Variants in OSBPL1A observed in about 807,000 individuals in gnomAD.
OSBPL1A encodes the protein oxysterol binding protein like 1A.
Under a neutral mutation model 137.1 loss-of-function variants are expected in OSBPL1A, and 80 were observed. That is an observed-to-expected ratio of 0.58 (90% CI 0.49 to 0.70). The LOEUF (loss-of-function observed/expected upper bound fraction) is 0.70. Ranked by LOEUF, OSBPL1A falls within the 30% of genes least tolerant of loss-of-function variation. The pLI is 0.00. For missense variants in OSBPL1A, 970 were observed against 1,129.4 expected, an observed-to-expected ratio of 0.86 and a Z score of 2.02; for synonymous variants, 365 against 389.7, an observed-to-expected ratio of 0.94 and a Z score of 0.75.
At chr18:24,382,556 A>C (rs1355679315) in intron 1 of OSBPL1A, among the ~76,000 whole-genome samples, 2 of 151,106 alleles carry the variant, frequency 1.3e-5, no homozygotes, top group African/African-American at 4.9e-5. Flanking sequence ...CAGCCTGTGT[A>C]ACAGAGACTC....
chr18:24,391,870 CT>C lies in OSBPL1A; in HGVS notation c.-3+5784del, dbSNP rs200767550. ...TTGCCAAATGGCATTTGTACTTTTT[CT>C]TTTTTTTTGAGACAGGGTCTGTCAC... is the stretch of plus-strand genomic sequence containing the variant. On this transcript the variant is annotated intron_variant, in intron 1 of 27. Coordinates refer to ENST00000319481, the MANE Select transcript of OSBPL1A (RefSeq NM_080597.4). 2.5e-3 allele frequency among the ~76,000 whole-genome samples: 385 copies of C among 151,416 alleles called. 2 individuals carry two copies. Among genetic ancestry groups the C allele is most frequent in the Non-Finnish European group, 4.7e-3 (321 of 67,748 alleles).
chr18:24,239,925 CTTTTTT>C (rs10699940), intron 15 of OSBPL1A, among the ~76,000 whole-genome samples: 1 of 125,624 alleles, frequency 8.0e-6, no homozygotes. Flanking sequence ...TCATTTTTCT[CTTTTTT>C]TTTTTTTTTT....
chr18:24,221,995 A>G (rs2145983060), intron 17 of OSBPL1A, among the ~76,000 whole-genome samples: 1 of 152,284 alleles, frequency 6.6e-6, no homozygotes, highest in Non-Finnish European at 1.5e-5. Context: ...TACGGCGACG[A>G]TGTCATCATA....
At chr18:24,328,179 C>G (rs553143879) in intron 7 of OSBPL1A, among the ~76,000 whole-genome samples, 9 of 145,182 alleles carry the variant, frequency 6.2e-5, no homozygotes, top group African/African-American at 2.3e-4. Context: ...GTAGCTGGGA[C>G]TACCAGGTAC....
intron 15 of OSBPL1A, among the ~76,000 whole-genome samples, chr18:24,241,893 T>C (rs772199685): frequency 3.7e-4 from 56 of 152,094 alleles, no homozygotes; most frequent in Non-Finnish European, 5.0e-4. Flanking sequence ...CCATCAATGA[T>C]AGACTGGATT....
At chr18:24,351,347 C>CAAAAAAAAAAAAAAAAAAAAAAA (rs1172514692) in intron 4 of OSBPL1A, among the ~76,000 whole-genome samples, 27 of 35,752 alleles carry the variant, frequency 7.6e-4, no homozygotes, top group African/African-American at 1.2e-3. Context: ...GACTCTGTCT[C>CAAAAAAAAAAAAAAAAAAAAAAA]AAAAAAAAAA....
intron 7 of OSBPL1A, among the ~76,000 whole-genome samples, chr18:24,327,991 A>G (rs2091009733): frequency 6.6e-6 from 1 of 151,112 alleles, no homozygotes; most frequent in Non-Finnish European, 1.5e-5. Context: ...ACACAGAAAA[A>G]CTGCTCAAGT....
intron 18 of OSBPL1A, among the ~76,000 whole-genome samples, chr18:24,195,750 T>G (rs2087012172): frequency 6.6e-6 from 1 of 152,188 alleles, no homozygotes; most frequent in Admixed American, 6.5e-5. Context: ...CACTTACAAA[T>G]TCCAAATACG....
intron 18 of OSBPL1A, among the ~76,000 whole-genome samples, chr18:24,189,654 T>C (rs991745295): frequency 3.9e-5 from 6 of 152,238 alleles, no homozygotes; most frequent in Admixed American, 1.3e-4. Context: ...TGCTGCTCAG[T>C]TCCCCCCGCT....
chr18:24,335,309 T>C (rs2146145979), intron 5 of OSBPL1A, among the ~76,000 whole-genome samples: 1 of 152,330 alleles, frequency 6.6e-6, no homozygotes, highest in African/African-American at 2.4e-5. Context: ...GTTATTATAT[T>C]GATTTTTACA....
intron 15 of OSBPL1A, among the ~76,000 whole-genome samples, chr18:24,262,057 T>A (rs1357340974): frequency 6.6e-6 from 1 of 152,208 alleles, no homozygotes; most frequent in Non-Finnish European, 1.5e-5. Flanking sequence ...AGCTCTAAAA[T>A]AGCTTTCTGT....
intron 14 of OSBPL1A, among the ~76,000 whole-genome samples, chr18:24,288,342 G>C (rs2090107953): frequency 6.6e-6 from 1 of 152,230 alleles, no homozygotes; most frequent in Non-Finnish European, 1.5e-5. Context: ...CATAAAGTCA[G>C]TCAACTTAGA....
intron 15 of OSBPL1A, among the ~76,000 whole-genome samples, chr18:24,243,027 C>G (rs2088758100): frequency 6.6e-6 from 1 of 152,080 alleles, no homozygotes; most frequent in Non-Finnish European, 1.5e-5. Context: ...CACTTGACTT[C>G]GAGACCAGCC....
chr18:24,166,095 T>C (rs2086140310), intron 26 of OSBPL1A, among the ~76,000 whole-genome samples: 1 of 151,940 alleles, frequency 6.6e-6, no homozygotes, highest in African/African-American at 2.4e-5. Context: ...AGACTCTGTA[T>C]AAAAAAAGAA....
At chr18:24,242,610 T>C (rs2088739630) in intron 15 of OSBPL1A, among the ~76,000 whole-genome samples, 1 of 152,194 alleles carries the variant, frequency 6.6e-6, no homozygotes, top group African/African-American at 2.4e-5. Context: ...GTCTTAGACA[T>C]AGCTTAAGAT....
At chr18:24,220,364 G>T (rs560325229) in intron 17 of OSBPL1A, among the ~76,000 whole-genome samples, 1 of 152,230 alleles carries the variant, frequency 6.6e-6, no homozygotes, top group Non-Finnish European at 1.5e-5. Context: ...TTGTGAAAGA[G>T]GTGGGCTTCA....
chr18:24,270,812 A>C (rs1051475631), intron 15 of OSBPL1A, among the ~76,000 whole-genome samples: 1 of 152,106 alleles, frequency 6.6e-6, no homozygotes, highest in Non-Finnish European at 1.5e-5. Flanking sequence ...TCTCTCGAAA[A>C]AGATTCCTGC....
intron 1 of OSBPL1A, among the ~76,000 whole-genome samples, chr18:24,385,737 C>CA (rs1379247364): frequency 1.3e-5 from 2 of 152,140 alleles, no homozygotes; most frequent in Non-Finnish European, 2.9e-5. Context: ...TTCAGACAGG[C>CA]AAAAACATAG....
intron 17 of OSBPL1A, among the ~76,000 whole-genome samples, chr18:24,208,302 T>C (rs2145963214): frequency 6.6e-6 from 1 of 152,342 alleles, no homozygotes; most frequent in East Asian, 1.9e-4. Flanking sequence ...AAAAAATCTT[T>C]ACATAGTTCA....
Sources: gnomAD v4.1 joint callset for allele counts (sites outside exome capture counted in the v4.1 genomes callset) on GRCh38, gnomAD v4.1.1 for gene constraint, MANE v1.5 for transcripts, NCBI Gene and HGNC (gene_info 2026-07-23, HGNC 2026-07-21) for gene names.